The following PPP2R2B variants were observed in gnomAD, a reference collection of about 807,000 sequenced individuals.
The protein encoded by PPP2R2B is protein phosphatase 2 regulatory subunit Bbeta, also known as serine/threonine-protein phosphatase 2A 55 kDa regulatory subunit B beta isoform.
Under a neutral mutation model 46.0 loss-of-function variants are expected in PPP2R2B, and 5 were observed. That is an observed-to-expected ratio of 0.11 (90% confidence interval 0.06 to 0.23). The LOEUF (loss-of-function observed/expected upper bound fraction) is 0.23. Ranked by LOEUF, PPP2R2B falls within the 10% of genes least tolerant of loss-of-function variation. The pLI, the probability that PPP2R2B is intolerant of heterozygous loss-of-function variation, is 1.00. For synonymous variants in PPP2R2B, 215 were observed against 206.7 expected, an observed-to-expected ratio of 1.04 and a Z score of -0.34; for missense variants, 367 against 575.0, an observed-to-expected ratio of 0.64 and a Z score of 3.70.
intron 5 of PPP2R2B, chr5:146,656,522 C>T (rs750120454): frequency 2.0e-5 from 3 of 152,050 alleles, no homozygotes; most frequent in Non-Finnish European, 2.9e-5. Context: ...TAGGTTAACC[C>T]CTCCTTAGGC....
At chr5:146,663,307 A>G (rs1776780302) in intron 5 of PPP2R2B, among the ~76,000 whole-genome samples, 1 of 152,230 alleles carries the variant, frequency 6.6e-6, no homozygotes, top group African/African-American at 2.4e-5. Context: ...AAAGAAAAAT[A>G]TAACATTCTA....
At chr5:146,668,696 T>G (rs895386200) in intron 5 of PPP2R2B, among the ~76,000 whole-genome samples, 3 of 152,242 alleles carry the variant, frequency 2.0e-5, no homozygotes, top group African/African-American at 7.2e-5. Context: ...TTTCTACACA[T>G]GAACTGTTGA....
At chr5:146,790,697 T>C (rs940825171) in intron 2 of PPP2R2B, among the ~76,000 whole-genome samples, 2 of 152,208 alleles carry the variant, frequency 1.3e-5, no homozygotes, top group Non-Finnish European at 2.9e-5. Flanking sequence ...TAAATCCACC[T>C]GTGATAAACC....
chr5:146,831,970 A>G (rs751115019), intron 2 of PPP2R2B, among the ~76,000 whole-genome samples: 4 of 152,210 alleles, frequency 2.6e-5, no homozygotes, highest in Non-Finnish European at 5.9e-5. Flanking sequence ...TGTAGGCCTA[A>G]GGTAACATGT....
intron 2 of PPP2R2B, among the ~76,000 whole-genome samples, chr5:146,744,526 C>T (rs1470069257): frequency 6.6e-6 from 1 of 152,146 alleles, no homozygotes; most frequent in Non-Finnish European, 1.5e-5. Flanking sequence ...ACTGCCCTTC[C>T]AGCAGTGAGA....
At chr5:146,788,227 A>T (rs1399524119) in intron 2 of PPP2R2B, among the ~76,000 whole-genome samples, 1 of 151,464 alleles carries the variant, frequency 6.6e-6, no homozygotes, top group Non-Finnish European at 1.5e-5. Flanking sequence ...TCCATATTAG[A>T]CTCCAAAAAA....
At chr5:146,854,242 T>C (rs1760515243) in intron 2 of PPP2R2B, among the ~76,000 whole-genome samples, 1 of 152,184 alleles carries the variant, frequency 6.6e-6, no homozygotes, top group Admixed American at 6.6e-5. Flanking sequence ...TCATGTCTTA[T>C]ACTGCTCTTA....
chr5:146,703,151 T>C (rs1245069532), intron 2 of PPP2R2B, among the ~76,000 whole-genome samples: 1 of 152,222 alleles, frequency 6.6e-6, no homozygotes, highest in East Asian at 1.9e-4. Flanking sequence ...CATTAACCAC[T>C]GCTTCTGGCT....
At chr5:147,039,763 T>C (rs950545095) in intron 1 of PPP2R2B, among the ~76,000 whole-genome samples, 3 of 152,214 alleles carry the variant, frequency 2.0e-5, no homozygotes, top group African/African-American at 7.2e-5. Flanking sequence ...CTTGCCATGA[T>C]TAATCAACCA....
intron 2 of PPP2R2B, among the ~76,000 whole-genome samples, chr5:146,785,770 T>C (rs1169975655): frequency 6.6e-6 from 1 of 152,178 alleles, no homozygotes; most frequent in Non-Finnish European, 1.5e-5. Flanking sequence ...ATTAAATGTA[T>C]ATATCAAGAA....
At chr5:146,686,052 G>A (rs921098850) in intron 5 of PPP2R2B, among the ~76,000 whole-genome samples, 4 of 152,252 alleles carry the variant, frequency 2.6e-5, no homozygotes, top group East Asian at 1.9e-4. Flanking sequence ...GGAGTCATGC[G>A]GACTAGGTTT....
intron 2 of PPP2R2B, among the ~76,000 whole-genome samples, chr5:146,854,909 TTTATG>T (rs2151386236): frequency 6.6e-6 from 1 of 152,320 alleles, no homozygotes; most frequent in Non-Finnish European, 1.5e-5. Context: ...TCTCGCAGTT[TTTATG>T]TTTTTAGAAA....
chr5:146,645,548 C>T (rs1251657740), intron 6 of PPP2R2B, among the ~76,000 whole-genome samples: 2 of 152,144 alleles, frequency 1.3e-5, no homozygotes, highest in African/African-American at 2.4e-5. Flanking sequence ...GCCTGCCTGG[C>T]AGAATCCCAC....
At chr5:146,690,536 A>C (rs1255508536) in intron 5 of PPP2R2B, among the ~76,000 whole-genome samples, 1 of 152,220 alleles carries the variant, frequency 6.6e-6, no homozygotes, top group Non-Finnish European at 1.5e-5. Flanking sequence ...AGCCACTCAG[A>C]CTGAGTAGAG....
At chr5:146,961,740 C>T (rs903551644) in intron 1 of PPP2R2B, among the ~76,000 whole-genome samples, 4 of 152,072 alleles carry the variant, frequency 2.6e-5, no homozygotes, top group African/African-American at 9.7e-5. Flanking sequence ...CAAAATCTGC[C>T]CAACATCAGT....
intron 1 of PPP2R2B, among the ~76,000 whole-genome samples, chr5:146,935,841 A>C (rs1370993359): frequency 6.6e-6 from 1 of 152,170 alleles, no homozygotes; most frequent in Non-Finnish European, 1.5e-5. Context: ...TGAGGTCTGC[A>C]TATGCTTGGA....
intron 8 of PPP2R2B, among the ~76,000 whole-genome samples, chr5:146,594,435 G>A (rs2112778): frequency 2.6e-5 from 4 of 152,208 alleles, no homozygotes; most frequent in African/African-American, 9.7e-5. Context: ...TCAGAGAGTA[G>A]TAGCCTGGGT....
At chr5:146,870,934 C>A (rs1338428664) in intron 2 of PPP2R2B, among the ~76,000 whole-genome samples, 1 of 152,214 alleles carries the variant, frequency 6.6e-6, no homozygotes, top group African/African-American at 2.4e-5. Flanking sequence ...TGAACATTAA[C>A]AATTAATATT....
chr5:146,706,248 G>C (rs1239196974), intron 2 of PPP2R2B: 2 of 473,616 alleles, frequency 4.2e-6, no homozygotes, highest in Non-Finnish European at 7.9e-6. Context: ...TTCCCATCTC[G>C]GGTCTTGATC....
Sources: allele counts gnomAD v4.1 joint callset (sites outside exome capture counted in the v4.1 genomes callset), GRCh38; gene constraint gnomAD v4.1.1; transcripts MANE v1.5; gene names NCBI Gene and HGNC (gene_info 2026-07-23, HGNC 2026-07-21).